The following NRXN1 variants were observed in gnomAD, a reference collection of about 807,000 sequenced individuals.
NRXN1 encodes neurexin 1.
A neutral mutation model predicts 150.9 loss-of-function variants in NRXN1; 39 were observed. The ratio of observed to expected loss-of-function variants is 0.26; its 90% CI spans 0.20 to 0.34. The LOEUF is 0.34. Ranked by LOEUF, NRXN1 falls within the 10% of genes least tolerant of loss-of-function variation. The pLI, the probability that NRXN1 is intolerant of heterozygous loss-of-function variation, is 1.00. For synonymous variants in NRXN1, 924 were observed against 757.0 expected, an observed-to-expected ratio of 1.22 and a Z score of -3.62; for missense variants, 1,815 against 1,949.9, an observed-to-expected ratio of 0.93 and a Z score of 1.30.
At chr2:50,567,565 A>C (rs2105436262) in intron 8 of NRXN1, among the ~76,000 whole-genome samples, 1 of 138,280 alleles carries the variant, frequency 7.2e-6, no homozygotes, top group African/African-American at 3.0e-5. Context: ...TCAAATTTTA[A>C]ATAAAGATAT....
chr2:50,419,200 T>C (rs529003783), intron 17 of NRXN1, among the ~76,000 whole-genome samples: 3 of 152,216 alleles, frequency 2.0e-5, no homozygotes, highest in Admixed American at 6.5e-5. Context: ...CTTAAGGCAA[T>C]GAACTGCAGG....
chr2:50,586,611 A>G (rs1673140628), intron 8 of NRXN1, among the ~76,000 whole-genome samples: 1 of 152,156 alleles, frequency 6.6e-6, no homozygotes, highest in Non-Finnish European at 1.5e-5. Flanking sequence ...CCCACAAAAG[A>G]AACATCTAAG....
intron 17 of NRXN1, among the ~76,000 whole-genome samples, chr2:50,278,508 G>A (rs2070967492): frequency 6.6e-6 from 1 of 150,398 alleles, no homozygotes; most frequent in African/African-American, 2.5e-5. Flanking sequence ...TCTAATCTGA[G>A]TGAAACCGTT....
At chr2:50,305,636 T>C (rs2074545523) in intron 17 of NRXN1, among the ~76,000 whole-genome samples, 1 of 152,218 alleles carries the variant, frequency 6.6e-6, no homozygotes, top group African/African-American at 2.4e-5. Flanking sequence ...GATTAGCTGA[T>C]GACAAATGAC....
In NRXN1 at chr2:49,920,851, A is replaced by C. The variant is rs1234849089; in HGVS notation, c.*1093T>G. On this transcript the variant is annotated 3_prime_UTR_variant, in exon 23 of 23. Transcript: ENST00000401669. ...ATTCACACCTTTCATACAAGTACTA[A>C]AACTTAATTGCAACAGAATGAAGGC... The C allele has an allele frequency of 6.6e-6, 1 of 152,584 alleles. No individual in the cohort carries two copies. The highest frequency in any genetic ancestry group is 2.4e-5 in the African/African-American group (1 of 41,446). 9.5% of individuals were successfully genotyped at this position (152,584 alleles called of 1,614,324 possible).
intron 18 of NRXN1, among the ~76,000 whole-genome samples, chr2:50,163,127 A>T (rs1464391787): frequency 2.0e-5 from 3 of 146,604 alleles, no homozygotes; most frequent in East Asian, 2.0e-4. Flanking sequence ...AATAATTTCA[A>T]CTATATATAA....
At chr2:50,967,338 G>T (rs1050360483) in intron 2 of NRXN1, among the ~76,000 whole-genome samples, 1 of 151,932 alleles carries the variant, frequency 6.6e-6, no homozygotes, top group East Asian at 1.9e-4. Flanking sequence ...ATCTGTATTT[G>T]TTTCCTCTAA....
intron 5 of NRXN1, among the ~76,000 whole-genome samples, chr2:50,816,877 G>A (rs1669011590): frequency 1.3e-5 from 2 of 151,914 alleles, no homozygotes; most frequent in Non-Finnish European, 1.5e-5. Context: ...AGACTAACCA[G>A]GAATGATTTA....
chr2:50,352,776 T>TAATAAAATAATA (rs1478736717), intron 17 of NRXN1, among the ~76,000 whole-genome samples: 1 of 84,028 alleles, frequency 1.2e-5, no homozygotes, highest in Non-Finnish European at 2.4e-5. Context: ...ATAATAATAA[T>TAATAAAATAATA]ATTATAATAA....
intron 5 of NRXN1, among the ~76,000 whole-genome samples, chr2:50,911,998 G>A (rs1294371671): frequency 6.6e-6 from 1 of 151,714 alleles, no homozygotes; most frequent in African/African-American, 2.4e-5. Context: ...TTCTTTTAAA[G>A]CAAGTTAATA....
chr2:50,827,656 G>T (rs1042210453), intron 5 of NRXN1, among the ~76,000 whole-genome samples: 2 of 151,980 alleles, frequency 1.3e-5, no homozygotes, highest in African/African-American at 4.8e-5. Context: ...CTCACAGAGG[G>T]GGACTTGGCA....
intron 5 of NRXN1, among the ~76,000 whole-genome samples, chr2:50,751,868 C>T (rs1197286594): frequency 6.6e-6 from 1 of 151,888 alleles, no homozygotes; most frequent in Non-Finnish European, 1.5e-5. Flanking sequence ...GAGAAGGGCC[C>T]AGGTCTCCTA....
rs200883399 is a variant in NRXN1 at position 50,532,978 on chromosome 2, C to G, written c.2144-1548G>C. 2.3e-4 allele frequency among the ~76,000 whole-genome samples: 35 copies of G among 152,296 alleles called. No individual in the cohort carries two copies. In the East Asian group the frequency reaches 3.1e-3, roughly 13 times the overall value. On this transcript the variant is annotated intron_variant, in intron 10 of 22. Transcript: ENST00000401669. ...TTCATTATTTTGCCTACTTACACAG[C>G]ATAGCAATTAAGTGTACTGATACAA...
intron 17 of NRXN1, among the ~76,000 whole-genome samples, chr2:50,328,734 T>TCAAAAA (rs1259950936): frequency 6.6e-6 from 1 of 152,026 alleles, no homozygotes; most frequent in African/African-American, 2.4e-5. Flanking sequence ...AGACTCCATC[T>TCAAAAA]CAAAAACAAA....
chr2:50,246,204 T>C (rs770293510), intron 17 of NRXN1, among the ~76,000 whole-genome samples: 2 of 152,016 alleles, frequency 1.3e-5, no homozygotes, highest in Non-Finnish European at 2.9e-5. Context: ...AGCCTTTGGC[T>C]TATTCTGAAG....
chr2:50,918,622 T>C (rs1191774288), intron 5 of NRXN1: 3 of 372,570 alleles, frequency 8.1e-6, no homozygotes, highest in Non-Finnish European at 1.4e-5. Flanking sequence ...TAGTCATTCA[T>C]TTCTGATAAG....
chr2:50,824,170 G>A (rs1176395687), intron 5 of NRXN1, among the ~76,000 whole-genome samples: 1 of 152,096 alleles, frequency 6.6e-6, no homozygotes, highest in South Asian at 2.1e-4. Context: ...AGAATAAGAG[G>A]CTGAATGGAA....
intron 5 of NRXN1, among the ~76,000 whole-genome samples, chr2:50,698,345 C>T (rs1190435414): frequency 2.0e-5 from 3 of 152,162 alleles, no homozygotes; most frequent in African/African-American, 7.2e-5. Context: ...AGGATATATG[C>T]TATCACAAAA....
chr2:50,950,232 A>C (rs1443610424), intron 2 of NRXN1, among the ~76,000 whole-genome samples: 1 of 152,200 alleles, frequency 6.6e-6, no homozygotes, highest in African/African-American at 2.4e-5. Flanking sequence ...TAGCTTCATA[A>C]ATACTTCAAG....
Sources: allele counts gnomAD v4.1 joint callset (sites outside exome capture counted in the v4.1 genomes callset), GRCh38; gene constraint gnomAD v4.1.1; transcripts MANE v1.5; gene names NCBI Gene and HGNC (gene_info 2026-07-23, HGNC 2026-07-21).